Variants in ABCA4 observed in about 807,000 individuals in gnomAD.
The protein encoded by ABCA4 is ATP binding cassette subfamily A member 4, also known as retinal-specific phospholipid-transporting ATPase ABCA4.
Under a neutral mutation model 263.7 loss-of-function variants are expected in ABCA4, and 196 were observed. The observed-to-expected ratio is 0.74, with a 90% CI of 0.66 to 0.84. The LOEUF is 0.84. ABCA4 is among the 40% of genes least tolerant of loss of function. ABCA4 has a pLI of 0.00. For synonymous variants in ABCA4, 1,133 were observed against 1,094.2 expected (o/e 1.04, Z -0.70); for missense variants, 2,792 against 2,855.1 (o/e 0.98, Z 0.50).
intron 6 of ABCA4, 70 bp downstream of exon 6, chr1:94,098,724 G>A: frequency 1.3e-6 from 2 of 1,566,870 alleles, no homozygotes; most frequent in South Asian, 1.1e-5. Flanking sequence ...CCTCCCCAAG[G>A]TCAATTCGTG....
chr1:94,051,543 T>G, intron 17 of ABCA4, 90 bp downstream of exon 17: 1 of 1,190,244 alleles, frequency 8.4e-7, no homozygotes, highest in Non-Finnish European at 1.2e-6. Flanking sequence ...ACCGTTTACA[T>G]AGAGGGCCAC....
intron 24 of ABCA4, among the ~76,000 whole-genome samples, chr1:94,039,757 A>G (rs1315254082): frequency 6.6e-6 from 1 of 152,260 alleles, no homozygotes; most frequent in Non-Finnish European, 1.5e-5. Flanking sequence ...GCCTGGAGCC[A>G]GGGCAGGGGG....
intron 14 of ABCA4, 95 bp downstream of exon 14, chr1:94,060,441 TG>T: frequency 8.5e-7 from 1 of 1,170,070 alleles, no homozygotes; most frequent in Non-Finnish European, 1.3e-6. Flanking sequence ...ACGCTCTCCT[TG>T]GTGGCCACAT....
In ABCA4 at chr1:94,039,319, A is replaced by T. The variant is rs371066777; in HGVS notation, c.3607+724T>A. On this transcript the variant is annotated intron_variant, in intron 24 of 49. Coordinates refer to ENST00000370225, the MANE Select transcript of ABCA4 (RefSeq NM_000350.3). ...TGCTTCACCAGATTTCAGTTAGTAA[A>T]TTCTTAACATTTGAAAAAGTTTGTG... 4.5e-4 allele frequency among the ~76,000 whole-genome samples: 69 copies of T among 152,338 alleles called. 1 individual carries two copies. The South Asian group carries it at 7.7e-3, about 17-fold the overall frequency.
intron 48 of ABCA4, 68 bp from the exon 49 acceptor site, chr1:93,996,263 C>A (rs1047726107): frequency 1.1e-5 from 13 of 1,172,796 alleles, no homozygotes; most frequent in Non-Finnish European, 1.5e-5. Flanking sequence ...ACCCACCTAC[C>A]CACTTTGCTC....
chr1:94,022,541 T>C (rs557622260), intron 32 of ABCA4, among the ~76,000 whole-genome samples: 5 of 152,284 alleles, frequency 3.3e-5, no homozygotes, highest in Admixed American at 2.0e-4. Flanking sequence ...CTGCCTGGAC[T>C]TGTGCTCTGC....
intron 20 of ABCA4, among the ~76,000 whole-genome samples, chr1:94,043,771 C>T (rs1036602072): frequency 1.3e-5 from 2 of 151,388 alleles, no homozygotes; most frequent in African/African-American, 2.4e-5. Flanking sequence ...AAAAGCAATC[C>T]TTTTTTTTGA....
In ABCA4 at chr1:94,019,759, C is replaced by A. The variant is rs1659846125; in HGVS notation, c.5019G>T (p.Val1673=). ...CCACAGCATCCACTGAAGTGGTCAG[C>A]CTGCAGCAGGGCCAGAGACACAGGG... ...LTKEQLSEIT[V]LTTSVDAVVA... The change falls in exon 36 of 50, where the codon GTG becomes GTT. Residue 1673 remains valine (V), a splice_region_variant and synonymous_variant. Coordinates refer to ENST00000370225, the MANE Select transcript of ABCA4 (RefSeq NM_000350.3). The A allele has an allele frequency of 6.2e-7, 1 of 1,611,256 alleles. No homozygotes were observed. Among genetic ancestry groups the A allele is most frequent in the Admixed American group, 1.7e-5 (1 of 59,590 alleles).
intron 49 of ABCA4, among the ~76,000 whole-genome samples, chr1:93,995,422 A>T (rs1658971882): frequency 6.6e-6 from 1 of 152,218 alleles, no homozygotes; most frequent in African/African-American, 2.4e-5. Flanking sequence ...AAGCCAAGGC[A>T]TTGGGATGCT....
chr1:94,010,214 G>A (rs1320026972), intron 40 of ABCA4, among the ~76,000 whole-genome samples: 1 of 152,210 alleles, frequency 6.6e-6, no homozygotes, highest in Non-Finnish European at 1.5e-5. Flanking sequence ...GCAGAGGGGA[G>A]TGAGGCAGGG....
chr1:94,030,575 A>G (rs140353258), intron 28 of ABCA4, 49 bp from the exon 29 acceptor site: 1 of 1,536,358 alleles, frequency 6.5e-7, no homozygotes. Flanking sequence ...GCGTGCCAAC[A>G]TCATGCAACT....
chr1:94,054,861 G>A (rs1279416166), intron 16 of ABCA4, among the ~76,000 whole-genome samples: 1 of 152,180 alleles, frequency 6.6e-6, no homozygotes, highest in Admixed American at 6.5e-5. Flanking sequence ...CTGATGGGAG[G>A]TGGTAGTGGA....
chr1:94,051,779 T>C, intron 16 of ABCA4, 81 bp from the exon 17 acceptor site: 1 of 1,037,080 alleles, frequency 9.6e-7, no homozygotes, highest in Non-Finnish European at 1.5e-6. Flanking sequence ...AGATCTAGAG[T>C]TTATTTACCT....
At chr1:94,116,737 G>A (rs4147803) in intron 1 of ABCA4, among the ~76,000 whole-genome samples, 1 of 151,744 alleles carries the variant, frequency 6.6e-6, no homozygotes, top group Non-Finnish European at 1.5e-5. Flanking sequence ...GCTTAACTGC[G>A]TACAGGCATA....
At chr1:94,030,655 G>A (rs1660173685) in intron 28 of ABCA4, 129 bp from the exon 29 acceptor site, 1 of 932,190 alleles carries the variant, frequency 1.1e-6, no homozygotes, top group Non-Finnish European at 1.7e-6. Context: ...CCTTGGGATG[G>A]CGCTAGCTCT....
chr1:94,042,899 C>A lies in ABCA4; in HGVS notation c.3191-1G>T, dbSNP rs767854160. 8 of 1,614,184 alleles carry A rather than the reference C, an allele frequency of 5.0e-6. No homozygotes were observed. Among genetic ancestry groups the A allele is most frequent in the Non-Finnish European group, 6.8e-6 (8 of 1,180,036 alleles). On this transcript the variant is annotated splice_acceptor_variant, in intron 21 of 49. Coordinates refer to ENST00000370225, the MANE Select transcript of ABCA4 (RefSeq NM_000350.3). LOFTEE classifies it high-confidence loss of function. ...ACCGACAGCTTTCTCTGCATGCCAC[C>A]TGGAGGCACAAGAAGGACGGGAGAG...
chr1:94,067,637 C>T (rs1481010383), intron 11 of ABCA4, among the ~76,000 whole-genome samples: 1 of 152,214 alleles, frequency 6.6e-6, no homozygotes, highest in African/African-American at 2.4e-5. Context: ...TGTTTCCCTA[C>T]CTACAAAATT....
At chr1:94,055,345 A>G (rs531558849) in intron 15 of ABCA4, 30 bp from the exon 16 acceptor site, 1 of 1,608,808 alleles carries the variant, frequency 6.2e-7, no homozygotes, top group South Asian at 1.1e-5. Context: ...GCACAGAAAA[A>G]GAGCAGTGCC....
At chr1:94,079,555 A>T in intron 8 of ABCA4, 94 bp from the exon 9 acceptor site, 1 of 1,570,312 alleles carries the variant, frequency 6.4e-7, no homozygotes, top group Non-Finnish European at 8.8e-7. Context: ...GTCTCATTCA[A>T]CTCCATGCTG....
Sources: gnomAD v4.1 joint callset for allele counts (sites outside exome capture counted in the v4.1 genomes callset) on GRCh38, gnomAD v4.1.1 for gene constraint, MANE v1.5 for transcripts, NCBI Gene and HGNC (gene_info 2026-07-23, HGNC 2026-07-21) for gene names.